Variants in FRYL observed in about 807,000 individuals in gnomAD.
The protein encoded by FRYL is protein furry homolog-like.
Under a neutral mutation model 351.2 loss-of-function variants are expected in FRYL, and 150 were observed. The ratio of observed to expected loss-of-function variants is 0.43; its 90% CI spans 0.37 to 0.49. The LOEUF is 0.49. Ranked by LOEUF, FRYL falls within the 20% of genes least tolerant of loss-of-function variation. The pLI is 0.00. For missense variants in FRYL, 3,036 were observed against 3,619.3 expected (o/e 0.84, Z 4.13); for synonymous variants, 1,153 against 1,257.1 (o/e 0.92, Z 1.75).
intron 2 of FRYL, among the ~76,000 whole-genome samples, chr4:48,687,311 G>A (rs1032364890): frequency 2.0e-5 from 3 of 151,950 alleles, no homozygotes; most frequent in African/African-American, 4.8e-5. Flanking sequence ...AAATAAAAAC[G>A]GACATCAGTT....
At chr4:48,714,985 T>A (rs1352881826) in intron 1 of FRYL, among the ~76,000 whole-genome samples, 1 of 152,070 alleles carries the variant, frequency 6.6e-6, no homozygotes, top group Admixed American at 6.6e-5. Context: ...AATCAATAAA[T>A]GTAATCCAGC....
intron 1 of FRYL, among the ~76,000 whole-genome samples, chr4:48,722,017 C>T (rs1310373828): frequency 1.3e-5 from 2 of 152,042 alleles, no homozygotes; most frequent in Non-Finnish European, 2.9e-5. Flanking sequence ...GGTTTTTGTT[C>T]TGGTTTTTGG....
chr4:48,765,089 C>G (rs561802580), intron 1 of FRYL, among the ~76,000 whole-genome samples: 2 of 152,108 alleles, frequency 1.3e-5, no homozygotes, highest in African/African-American at 4.8e-5. Context: ...GTGATCCCCC[C>G]ACCTCGGCCT....
In FRYL at chr4:48,685,943, T is replaced by TG. The variant is rs758159750; in HGVS notation, c.-203-1149dup. On this transcript the variant is annotated intron_variant, in intron 2 of 63. Transcript: ENST00000358350. ...TAATTTTTTGTATTTTTAGGAGAGA[T>TG]GGGGTTTCACCATGTTGGCTAGGCT... Among the ~76,000 whole-genome samples the TG allele has an allele frequency of 6.8e-4, 103 of 152,174 alleles. 1 individual carries two copies. The highest frequency in any genetic ancestry group is 1.2e-3 in the Non-Finnish European group (79 of 67,982).
At position 48,603,348 on chromosome 4, in the gene FRYL, A is replaced by G. The variant is rs1746075084; in HGVS notation, c.875T>C (p.Phe292Ser). The change falls in exon 12 of 64, where the codon TTT becomes TCT. Residue 292 changes from phenylalanine (F) to serine (S), a missense_variant. Transcript: ENST00000358350. ...NEVNVPCLKN[F>S]VEMLYQTTFE... ...AGTAGTCTGATAAAGCATCTCCACA[A>G]AATTTTTCAAACAGGGAACATTCAC... 1 of 1,612,464 alleles carries G rather than the reference A, an allele frequency of 6.2e-7. No homozygotes were observed. The highest frequency in any genetic ancestry group is 1.3e-5 in the African/African-American group (1 of 74,838).
Position 48,498,878 on chromosome 4 carries a change from A to C in FRYL, c.*544T>G, listed in dbSNP as rs1718954688. The C allele has an allele frequency of 6.3e-6, 1 of 158,610 alleles. No homozygotes were observed. The highest frequency in any genetic ancestry group is 6.1e-5 in the Admixed American group (1 of 16,448). The allele number at this position is 158,610 out of a possible 1,614,324, so 9.8% of individuals were successfully genotyped here. A position where few individuals can be genotyped will look rare whatever the true frequency, so the allele number is the denominator to read the frequency against. On this transcript the variant is annotated 3_prime_UTR_variant, in exon 64 of 64. Transcript: ENST00000358350. ...AAAAAACAAAAAAACCCAAACCCTT[A>C]TCCCACATACTGAAAAATCAATGGT...
intron 61 of FRYL, among the ~76,000 whole-genome samples, chr4:48,502,256 G>A (rs1437158833): frequency 2.0e-5 from 3 of 152,188 alleles, no homozygotes; most frequent in African/African-American, 4.8e-5. Flanking sequence ...AATTAACAAC[G>A]TGGGCCGAGC....
At chr4:48,648,063 T>C (rs1756891915) in intron 3 of FRYL, among the ~76,000 whole-genome samples, 1 of 152,214 alleles carries the variant, frequency 6.6e-6, no homozygotes, top group South Asian at 2.1e-4. Context: ...GAATGTTTTG[T>C]AAAGTGCTTA....
chr4:48,596,544 G>C (rs1237946139), intron 13 of FRYL, among the ~76,000 whole-genome samples: 2 of 152,024 alleles, frequency 1.3e-5, no homozygotes, highest in African/African-American at 2.4e-5. Flanking sequence ...CTCCATCCTT[G>C]GGCATTGTTA....
At chr4:48,748,448 T>C (rs1280860323) in intron 1 of FRYL, among the ~76,000 whole-genome samples, 3 of 152,146 alleles carry the variant, frequency 2.0e-5, no homozygotes, top group Non-Finnish European at 4.4e-5. Flanking sequence ...AAAGTGCAGG[T>C]TGGCATCTGG....
At position 48,534,544 on chromosome 4, in the gene FRYL, C is replaced by T. The variant is rs1212708064; in HGVS notation, c.6705+1G>A. ...TATATGTAAGTTTTGTGGTCACTCA[C>T]CTGTACATATTTGCCAATAATCTTT... On this transcript the variant is annotated splice_donor_variant, in intron 49 of 63. Coordinates refer to ENST00000358350, the MANE Select transcript of FRYL (RefSeq NM_015030.2). LOFTEE classifies it high-confidence loss of function. 6.2e-7 allele frequency: 1 copy of T among 1,609,368 alleles called. No individual in the cohort carries two copies. Among genetic ancestry groups the T allele is most frequent in the Non-Finnish European group, 8.5e-7 (1 of 1,177,318 alleles).
At chr4:48,571,152 G>A (rs755000517) in intron 26 of FRYL, among the ~76,000 whole-genome samples, 2 of 152,186 alleles carry the variant, frequency 1.3e-5, no homozygotes, top group African/African-American at 2.4e-5. Context: ...CTGTGTGTCA[G>A]GGGAAGTAAA....
At chr4:48,699,347 A>C (rs771141725) in intron 2 of FRYL, among the ~76,000 whole-genome samples, 2 of 152,240 alleles carry the variant, frequency 1.3e-5, no homozygotes, top group Non-Finnish European at 2.9e-5. Flanking sequence ...TCATGAAAAC[A>C]TAAGAGTTTG....
intron 26 of FRYL, 91 bp downstream of exon 26, chr4:48,573,095 T>C (rs529725197): frequency 1.1e-5 from 10 of 912,302 alleles, no homozygotes; most frequent in African/African-American, 8.3e-5. Flanking sequence ...ATACACTAGA[T>C]AGTCTTCGTA....
At chr4:48,709,554 G>A (rs1244399134) in intron 2 of FRYL, among the ~76,000 whole-genome samples, 5 of 152,164 alleles carry the variant, frequency 3.3e-5, no homozygotes, top group Non-Finnish European at 5.9e-5. Flanking sequence ...TAGATCTAAA[G>A]TATCTCTATC....
chr4:48,632,217 T>G (rs952335125), intron 4 of FRYL, among the ~76,000 whole-genome samples: 1 of 147,056 alleles, frequency 6.8e-6, no homozygotes, highest in Admixed American at 6.8e-5. Flanking sequence ...ATAAAACATT[T>G]TATAAAATAA....
intron 3 of FRYL, among the ~76,000 whole-genome samples, chr4:48,684,128 C>T (rs972365868): frequency 7.2e-5 from 11 of 152,144 alleles, no homozygotes; most frequent in Non-Finnish European, 1.5e-4. Context: ...TATAGAAGAT[C>T]CCACAGATTT....
Position 48,565,682 on chromosome 4 carries a change from C to T in FRYL, c.3179G>A (p.Arg1060Lys), listed in dbSNP as rs1736607181. The part of the protein sequence containing the change: ...NIIQNVPVHQ[R>K]RSIFPQQSLR... ...GCTCTGTTGAGGAAAAATACTTCTT[C>T]TCTGGTGCACTGTGAATAAAAAAAG... The change falls in exon 29 of 64, where the codon AGA becomes AAA. Residue 1060 changes from arginine (R) to lysine (K), a missense_variant. Transcript: ENST00000358350. The T allele has an allele frequency of 6.2e-7, 1 of 1,606,794 alleles. No individual in the cohort carries two copies. The highest frequency in any genetic ancestry group is 2.2e-5 in the East Asian group (1 of 44,844).
At chr4:48,561,717 A>G (rs1735540124) in intron 32 of FRYL, 81 bp from the exon 33 acceptor site, 2 of 1,135,048 alleles carry the variant, frequency 1.8e-6, no homozygotes, top group South Asian at 3.6e-5. Flanking sequence ...TAATTTTTAA[A>G]AAAACTCTTC....
Sources: gnomAD v4.1 joint callset for allele counts (sites outside exome capture counted in the v4.1 genomes callset) on GRCh38, gnomAD v4.1.1 for gene constraint, MANE v1.5 for transcripts, NCBI Gene and HGNC (gene_info 2026-07-23, HGNC 2026-07-21) for gene names.